Variants in CACNB4 observed in about 807,000 individuals in gnomAD.
CACNB4 encodes the protein calcium voltage-gated channel auxiliary subunit beta 4.
Under a neutral mutation model 71.2 loss-of-function variants are expected in CACNB4, and 32 were observed. The observed-to-expected ratio is 0.45, with a 90% CI of 0.34 to 0.60. The LOEUF is 0.60. CACNB4 is among the 20% of genes least tolerant of loss of function. The pLI is 0.01. For missense variants in CACNB4, 464 were observed against 647.9 expected, an observed-to-expected ratio of 0.72 and a Z score of 3.08; for synonymous variants, 231 against 236.9, an observed-to-expected ratio of 0.97 and a Z score of 0.23.
At chr2:152,018,917 G>C (rs1251434702) in intron 2 of CACNB4, among the ~76,000 whole-genome samples, 1 of 151,874 alleles carries the variant, frequency 6.6e-6, no homozygotes, top group Non-Finnish European at 1.5e-5. Flanking sequence ...TGAAAAGCTA[G>C]TATGAGGTCA....
chr2:152,005,500 A>C (rs1682671089), intron 2 of CACNB4, among the ~76,000 whole-genome samples: 1 of 152,204 alleles, frequency 6.6e-6, no homozygotes, highest in Non-Finnish European at 1.5e-5. Flanking sequence ...GATGGGAACA[A>C]GAGACAATGG....
intron 2 of CACNB4, among the ~76,000 whole-genome samples, chr2:152,082,686 T>G (rs1687427663): frequency 6.6e-6 from 1 of 152,198 alleles, no homozygotes; most frequent in Non-Finnish European, 1.5e-5. Context: ...AAGTATTCAT[T>G]CAGGCAGTCT....
intron 2 of CACNB4, chr2:151,936,482 T>A (rs190744003): frequency 4.5e-4 from 68 of 152,392 alleles, no homozygotes; most frequent in African/African-American, 1.3e-3. Context: ...TTTGCTTTAA[T>A]GGTTCCCACC....
At chr2:152,048,183 A>T (rs1239494024) in intron 2 of CACNB4, among the ~76,000 whole-genome samples, 4 of 152,188 alleles carry the variant, frequency 2.6e-5, no homozygotes, top group African/African-American at 9.6e-5. Flanking sequence ...GTCTCTACTC[A>T]CTAGATGTAC....
intron 8 of CACNB4, 198 bp downstream of exon 8, chr2:151,870,333 A>G (rs2099844289): frequency 7.1e-6 from 5 of 704,300 alleles, no homozygotes; most frequent in Non-Finnish European, 1.3e-5. Context: ...GTAATACATA[A>G]AAGATGAGAA....
chr2:152,050,832 A>G (rs1685390337), intron 2 of CACNB4, among the ~76,000 whole-genome samples: 1 of 152,004 alleles, frequency 6.6e-6, no homozygotes, highest in Non-Finnish European at 1.5e-5. Flanking sequence ...GCAGTGGCAC[A>G]ATCTTGGCTC....
intron 2 of CACNB4, among the ~76,000 whole-genome samples, chr2:152,008,029 C>T (rs1682829136): frequency 6.6e-6 from 1 of 152,010 alleles, no homozygotes. Flanking sequence ...GCCTCAGCCT[C>T]CCAAAGTGCT....
intron 2 of CACNB4, among the ~76,000 whole-genome samples, chr2:151,916,539 G>C (rs965179003): frequency 6.6e-6 from 1 of 152,066 alleles, no homozygotes; most frequent in Non-Finnish European, 1.5e-5. Flanking sequence ...TAAAATAGTC[G>C]ACTGAAAAAT....
chr2:152,001,528 A>T (rs1406672884), intron 2 of CACNB4, among the ~76,000 whole-genome samples: 18 of 11,190 alleles, frequency 1.6e-3, no homozygotes, highest in Admixed American at 5.0e-3. Flanking sequence ...ATCTCTACTA[A>T]AAAAAAAAAA....
intron 2 of CACNB4, chr2:151,967,509 C>A (rs1474861343): frequency 1.3e-5 from 2 of 152,200 alleles, no homozygotes; most frequent in East Asian, 3.9e-4. Flanking sequence ...GATCTAGAAA[C>A]AATTTCAACT....
chr2:152,029,798 T>C (rs905460526), intron 2 of CACNB4, among the ~76,000 whole-genome samples: 3 of 152,264 alleles, frequency 2.0e-5, no homozygotes, highest in East Asian at 3.9e-4. Flanking sequence ...CTTCTACCAT[T>C]TGAGGACACA....
chr2:152,036,593 C>T (rs1391658044), intron 2 of CACNB4, among the ~76,000 whole-genome samples: 2 of 152,134 alleles, frequency 1.3e-5, no homozygotes, highest in Admixed American at 6.5e-5. Context: ...ACCACTGTGC[C>T]TGGCCAGTAA....
At chr2:151,866,962 G>A (rs981487264) in intron 9 of CACNB4, 4 of 152,172 alleles carry the variant, frequency 2.6e-5, no homozygotes, top group African/African-American at 9.7e-5. Flanking sequence ...TACTTGATTC[G>A]AGACAAATCT....
At chr2:151,977,051 C>A (rs542659089) in intron 2 of CACNB4, among the ~76,000 whole-genome samples, 3 of 152,274 alleles carry the variant, frequency 2.0e-5, no homozygotes, top group African/African-American at 7.2e-5. Flanking sequence ...CTACTTCTCC[C>A]ACCTGAGGTT....
At chr2:151,943,768 G>T (rs1397225950) in intron 2 of CACNB4, among the ~76,000 whole-genome samples, 1 of 152,166 alleles carries the variant, frequency 6.6e-6, no homozygotes, top group Non-Finnish European at 1.5e-5. Context: ...AACTGATTAT[G>T]CATCATTTGG....
chr2:151,958,096 T>A (rs1402883519), intron 2 of CACNB4, among the ~76,000 whole-genome samples: 3 of 152,228 alleles, frequency 2.0e-5, no homozygotes, highest in Non-Finnish European at 4.4e-5. Context: ...ACTAGGGACC[T>A]GTTTTTTTCA....
intron 5 of CACNB4, among the ~76,000 whole-genome samples, chr2:151,875,489 A>G (rs1404049180): frequency 6.3e-4 from 96 of 151,898 alleles, no homozygotes; most frequent in East Asian, 2.5e-3. Context: ...ATCATGGCCC[A>G]TTCTCAATGA....
intron 2 of CACNB4, among the ~76,000 whole-genome samples, chr2:152,091,765 C>A (rs1429630344): frequency 6.6e-6 from 1 of 152,182 alleles, no homozygotes; most frequent in Non-Finnish European, 1.5e-5. Context: ...TTCCCAGAAT[C>A]CCAGGTCAGT....
intron 2 of CACNB4, among the ~76,000 whole-genome samples, chr2:152,024,639 T>C (rs1560141306): frequency 3.3e-5 from 5 of 152,244 alleles, no homozygotes; most frequent in Admixed American, 2.6e-4. Flanking sequence ...CCAACTATGA[T>C]AGGGATCCAC....
Sources: allele counts gnomAD v4.1 joint callset (sites outside exome capture counted in the v4.1 genomes callset), GRCh38; gene constraint gnomAD v4.1.1; transcripts MANE v1.5; gene names NCBI Gene and HGNC (gene_info 2026-07-23, HGNC 2026-07-21).